Variants in DPH6 observed in about 807,000 individuals in gnomAD.
DPH6 encodes diphthamine biosynthesis 6, also known as diphthine--ammonia ligase.
Under a neutral mutation model 38.2 loss-of-function variants are expected in DPH6, and 33 were observed. The ratio of observed to expected loss-of-function variants is 0.86; its 90% CI spans 0.65 to 1.15. The LOEUF is 1.15. DPH6 is among the 50% of genes most tolerant of loss of function. The pLI is 0.00. For missense variants in DPH6, 325 were observed against 320.0 expected (o/e 1.02, Z -0.12); for synonymous variants, 108 against 103.0 (o/e 1.05, Z -0.30).
the DPH6 span, among the ~76,000 whole-genome samples, chr15:35,191,711 A>G: frequency 1.2e-4 from 18 of 152,188 alleles, no homozygotes; most frequent in Non-Finnish European, 4.4e-5. Flanking sequence ...TGAAACTTAT[A>G]TTTGTCTTGT....
intron 5 of DPH6, among the ~76,000 whole-genome samples, chr15:35,439,588 C>T (rs1386599709): frequency 6.6e-5 from 10 of 152,112 alleles, no homozygotes; most frequent in East Asian, 3.9e-4. Context: ...CAATAAAAAC[C>T]GCTTGGGAAA....
At chr15:35,461,478 G>A (rs2054066252) in intron 3 of DPH6, among the ~76,000 whole-genome samples, 1 of 152,210 alleles carries the variant, frequency 6.6e-6, no homozygotes, top group African/African-American at 2.4e-5. Flanking sequence ...TTGCAACTGG[G>A]AGTGCATGGG....
At chr15:35,164,728 A>C in the DPH6 span, among the ~76,000 whole-genome samples, 2 of 151,906 alleles carry the variant, frequency 1.3e-5, no homozygotes, top group Non-Finnish European at 2.9e-5. Flanking sequence ...TCAGTTTAAC[A>C]GTGAATGCCA....
intron 6 of DPH6, 28 bp from the exon 7 acceptor site, chr15:35,381,944 G>T (rs369180853): frequency 1.3e-6 from 2 of 1,552,170 alleles, no homozygotes; most frequent in African/African-American, 2.7e-5. Flanking sequence ...CAAAAAACAA[G>T]AAAGAAGTTT....
Position 35,450,692 on chromosome 15 carries a change from T to A in DPH6, c.498A>T (p.Ala166=). 2 of 1,612,474 alleles carry A rather than the reference T, an allele frequency of 1.2e-6. No homozygotes were observed. Among genetic ancestry groups the A allele is most frequent in the Non-Finnish European group, 1.7e-6 (2 of 1,179,174 alleles). Residue 166 remains alanine (A), a synonymous_variant, in exon 5 of 9, where the codon GCA becomes GCT. Transcript: ENST00000256538. ...SNIQAMIIKV[A]ALGLDPDKHL... ...GATAGTTTGGCTGCATACCCAAAGC[T>A]GCTACTTTGATGATCATTGCTTGAA...
At chr15:35,350,678 TTTC>T (rs2052503208) in intron 3 of DPH6, among the ~76,000 whole-genome samples, 2 of 152,214 alleles carry the variant, frequency 1.3e-5, no homozygotes, top group Admixed American at 1.3e-4. Context: ...TCTCTTGTGA[TTTC>T]TTCTTTGATT....
At chr15:35,414,637 C>T (rs2053413524) in intron 5 of DPH6, among the ~76,000 whole-genome samples, 1 of 151,660 alleles carries the variant, frequency 6.6e-6, no homozygotes. Context: ...CCCAATCTAG[C>T]CTCCATGTTT....
At chr15:35,436,268 C>CAAG (rs1485317989) in intron 5 of DPH6, among the ~76,000 whole-genome samples, 1 of 151,442 alleles carries the variant, frequency 6.6e-6, no homozygotes, top group African/African-American at 2.4e-5. Context: ...AGATCAAGAC[C>CAAG]ATCTTGGCTA....
intron 6 of DPH6, among the ~76,000 whole-genome samples, chr15:35,387,936 T>C (rs2052994047): frequency 6.6e-6 from 1 of 152,122 alleles, no homozygotes; most frequent in African/African-American, 2.4e-5. Flanking sequence ...TCAAAGGGAA[T>C]GCTTCCAGTT....
chr15:35,433,826 A>C (rs2053661517), intron 5 of DPH6, among the ~76,000 whole-genome samples: 1 of 152,170 alleles, frequency 6.6e-6, no homozygotes, highest in Non-Finnish European at 1.5e-5. Context: ...CAGTTTGGTC[A>C]CTGGGATGTT....
At chr15:35,164,030 G>T in the DPH6 span, among the ~76,000 whole-genome samples, 2 of 151,836 alleles carry the variant, frequency 1.3e-5, no homozygotes, top group Non-Finnish European at 2.9e-5. Context: ...ATTCATGGTA[G>T]AATCTATAAA....
At chr15:35,501,293 T>G (rs2054624349) in intron 3 of DPH6, among the ~76,000 whole-genome samples, 1 of 152,204 alleles carries the variant, frequency 6.6e-6, no homozygotes, top group South Asian at 2.1e-4. Flanking sequence ...ATCTTGTTTC[T>G]TTCCTCTTTA....
chr15:35,182,220 A>ATTTTTTTTTTTTTTT, the DPH6 span, among the ~76,000 whole-genome samples: 3 of 86,012 alleles, frequency 3.5e-5, no homozygotes, highest in African/African-American at 3.9e-5. Flanking sequence ...AACTCTAAGA[A>ATTTTTTTTTTTTTTT]TTTTTTTTTT....
chr15:35,531,433 A>G (rs1017147407), intron 3 of DPH6, among the ~76,000 whole-genome samples: 6 of 152,176 alleles, frequency 3.9e-5, no homozygotes, highest in Non-Finnish European at 8.8e-5. Context: ...TTTATATCAC[A>G]TATCATAGTA....
At chr15:35,534,908 G>T (rs1443235817) in intron 3 of DPH6, among the ~76,000 whole-genome samples, 1 of 152,184 alleles carries the variant, frequency 6.6e-6, no homozygotes, top group African/African-American at 2.4e-5. Context: ...CTGCACAGAA[G>T]GAGAAGAGCT....
At chr15:35,253,199 A>AT (rs1290521482) in intron 3 of DPH6, among the ~76,000 whole-genome samples, 5 of 152,210 alleles carry the variant, frequency 3.3e-5, no homozygotes, top group Admixed American at 2.0e-4. Context: ...CATTGGTGAG[A>AT]TTTTTTCCCC....
At chr15:35,334,047 T>C (rs1397786175) in intron 3 of DPH6, among the ~76,000 whole-genome samples, 2 of 152,134 alleles carry the variant, frequency 1.3e-5, no homozygotes. Flanking sequence ...CGGATCTAAA[T>C]ACTCTTAAGG....
chr15:35,543,258 TAATATA>T (rs1209572852), intron 1 of DPH6, among the ~76,000 whole-genome samples: 2,088 of 92,570 alleles, frequency 0.023, 51 homozygotes, highest in Middle Eastern at 0.042. Flanking sequence ...CACATACACA[TAATATA>T]TATATATATA....
chr15:35,343,693 C>T (rs1353892868), intron 3 of DPH6, among the ~76,000 whole-genome samples: 1 of 151,820 alleles, frequency 6.6e-6, no homozygotes, highest in Admixed American at 6.6e-5. Context: ...TTATTGAGTG[C>T]CTACTAAACG....
Sources: gnomAD v4.1 joint callset for allele counts (sites outside exome capture counted in the v4.1 genomes callset) on GRCh38, gnomAD v4.1.1 for gene constraint, MANE v1.5 for transcripts, NCBI Gene and HGNC (gene_info 2026-07-23, HGNC 2026-07-21) for gene names.